The following WDR70 variants were observed in gnomAD, a reference collection of about 807,000 sequenced individuals.
The protein encoded by WDR70 is WD repeat-containing protein 70.
WDR70 carries 53 observed loss-of-function variants against 88.6 expected under a neutral mutation model. The ratio of observed to expected loss-of-function variants is 0.60; its 90% CI spans 0.48 to 0.75. The LOEUF (loss-of-function observed/expected upper bound fraction) is 0.75, where lower values mean the gene tolerates loss of function less well. Among genes scored for constraint, WDR70 ranks in the 30% least tolerant of loss-of-function variants. The probability of loss-of-function intolerance (pLI) is 0.00; values close to 1 mark genes in which losing one functional copy is unlikely to be tolerated. For synonymous variants in WDR70, 280 were observed against 270.0 expected, an observed-to-expected ratio of 1.04 and a Z score of -0.36; for missense variants, 610 against 823.2, an observed-to-expected ratio of 0.74 and a Z score of 3.17.
chr5:37,526,036 C>G (rs2112288994), intron 9 of WDR70, among the ~76,000 whole-genome samples: 1 of 152,294 alleles, frequency 6.6e-6, no homozygotes, highest in East Asian at 1.9e-4. Context: ...GGATTTACAG[C>G]CGAATTCTAC....
intron 9 of WDR70, among the ~76,000 whole-genome samples, chr5:37,565,029 C>A (rs1742697378): frequency 6.6e-6 from 1 of 152,038 alleles, no homozygotes; most frequent in East Asian, 1.9e-4. Flanking sequence ...TATTACAGAG[C>A]CTTTTAGAAA....
At chr5:37,532,662 A>G (rs1741532074) in intron 9 of WDR70, among the ~76,000 whole-genome samples, 1 of 151,814 alleles carries the variant, frequency 6.6e-6, no homozygotes, top group South Asian at 2.1e-4. Flanking sequence ...TTCCTTTCCT[A>G]TCCTGTATCA....
Position 37,673,597 on chromosome 5 carries a change from C to CT in WDR70, c.1093-24049dup, listed in dbSNP as rs1031858903. Among the ~76,000 whole-genome samples the CT allele has an allele frequency of 6.6e-4, 79 of 119,708 alleles. 1 individual carries two copies. The highest frequency in any genetic ancestry group is 5.6e-3 in the Admixed American group (60 of 10,646). 78.5% of individuals were successfully genotyped at this position (119,708 alleles called of 152,430 possible). The stretch of plus-strand genomic sequence containing the variant: ...TGACTTTTCTTACCCCCCCCCCACC[C>CT]TTTTTTTTTCTTTCCAACTTTTATT... On this transcript the variant is annotated intron_variant, in intron 10 of 17. Coordinates refer to ENST00000265107, the MANE Select transcript of WDR70 (RefSeq NM_018034.4).
chr5:37,535,480 T>G (rs1228079380), intron 9 of WDR70, among the ~76,000 whole-genome samples: 2 of 152,100 alleles, frequency 1.3e-5, no homozygotes, highest in Admixed American at 1.3e-4. Context: ...GTGCTAAAAT[T>G]TTAAAGTAAT....
At chr5:37,449,214 G>A (rs894572335) in intron 7 of WDR70, among the ~76,000 whole-genome samples, 3 of 152,116 alleles carry the variant, frequency 2.0e-5, no homozygotes, top group Non-Finnish European at 4.4e-5. Flanking sequence ...TGGTGATTGG[G>A]AGCTCTTTTA....
chr5:37,557,247 AG>A (rs1742317923), intron 9 of WDR70, among the ~76,000 whole-genome samples: 1 of 151,582 alleles, frequency 6.6e-6, no homozygotes. Flanking sequence ...AAAAAAAAAA[AG>A]GTTAGCAAAA....
chr5:37,473,868 T>C (rs1739400985), intron 7 of WDR70, among the ~76,000 whole-genome samples: 1 of 152,194 alleles, frequency 6.6e-6, no homozygotes. Flanking sequence ...TCTGTGTTCA[T>C]GAGAGATAGA....
chr5:37,625,052 C>T (rs1744624942), intron 10 of WDR70, among the ~76,000 whole-genome samples: 1 of 152,090 alleles, frequency 6.6e-6, no homozygotes, highest in Non-Finnish European at 1.5e-5. Context: ...CCTTGGGGAC[C>T]AGGGCTTCTA....
Position 37,468,969 on chromosome 5 carries a change from G to A in WDR70, c.687-10865G>A, listed in dbSNP as rs1367281451. 1.3e-5 allele frequency among the ~76,000 whole-genome samples: 2 copies of A among 152,172 alleles called. 1 individual carries two copies. The highest frequency in any genetic ancestry group is 2.9e-5 in the Non-Finnish European group (2 of 68,020). On this transcript the variant is annotated intron_variant, in intron 7 of 17. Transcript: ENST00000265107. ...TTATCCTCAGGAGATCCTGGAACTA[G>A]TCCCCCATGGATACTGAGGGCTGAC...
chr5:37,449,873 T>C (rs1302860790), intron 7 of WDR70, among the ~76,000 whole-genome samples: 1 of 152,108 alleles, frequency 6.6e-6, no homozygotes, highest in Non-Finnish European at 1.5e-5. Context: ...ACATAGCTAT[T>C]TCTCCTAATG....
At chr5:37,488,355 TG>T (rs1739959560) in intron 8 of WDR70, among the ~76,000 whole-genome samples, 2 of 152,182 alleles carry the variant, frequency 1.3e-5, no homozygotes, top group South Asian at 4.1e-4. Flanking sequence ...CTGTTAGACT[TG>T]AAAAGTTTTC....
chr5:37,497,333 TTTCCCTTCCCTCTTCCCTTCTC>T (rs1420673656), intron 8 of WDR70, among the ~76,000 whole-genome samples: 3 of 120,106 alleles, frequency 2.5e-5, no homozygotes, highest in African/African-American at 9.6e-5. Flanking sequence ...CTTCCCTTCC[TTTCCCTTCCCTCTTCCCTTCTC>T]TTCCCTTCCC....
intron 9 of WDR70, among the ~76,000 whole-genome samples, chr5:37,527,612 G>GCA (rs1741328711): frequency 6.6e-6 from 1 of 152,118 alleles, no homozygotes; most frequent in Admixed American, 6.6e-5. Flanking sequence ...CAATGGCAAT[G>GCA]AAAGCCAAAA....
At chr5:37,563,469 G>C (rs1201066407) in intron 9 of WDR70, among the ~76,000 whole-genome samples, 1 of 54,722 alleles carries the variant, frequency 1.8e-5, no homozygotes, top group East Asian at 4.5e-4. Context: ...CGGCTGGCCG[G>C]GCAGAGGGGC....
At chr5:37,496,259 G>C (rs1561875273) in intron 8 of WDR70, among the ~76,000 whole-genome samples, 2 of 152,142 alleles carry the variant, frequency 1.3e-5, no homozygotes, top group Admixed American at 6.5e-5. Context: ...CACCTGCTAG[G>C]GTCCCCTTCC....
At chr5:37,456,105 C>T (rs1470409580) in intron 7 of WDR70, among the ~76,000 whole-genome samples, 1 of 152,064 alleles carries the variant, frequency 6.6e-6, no homozygotes, top group African/African-American at 2.4e-5. Flanking sequence ...TTTTATTTCC[C>T]TGGGTCAATA....
chr5:37,483,147 C>G (rs1729655067), intron 8 of WDR70, among the ~76,000 whole-genome samples: 1 of 142,564 alleles, frequency 7.0e-6, no homozygotes. Flanking sequence ...GTGTTTCTCG[C>G]AGAGGGGGAT....
At chr5:37,474,554 C>CT (rs1295242911) in intron 7 of WDR70, among the ~76,000 whole-genome samples, 3 of 151,968 alleles carry the variant, frequency 2.0e-5, no homozygotes, top group Admixed American at 6.6e-5. Flanking sequence ...TGTTATTATT[C>CT]TTTTTTTTAA....
chr5:37,385,614 C>T (rs574777597), intron 3 of WDR70, among the ~76,000 whole-genome samples: 1 of 151,180 alleles, frequency 6.6e-6, no homozygotes, highest in African/African-American at 2.4e-5. Context: ...ATTATCTAAC[C>T]CATCAGTTTT....
Sources: gnomAD v4.1 joint callset for allele counts (sites outside exome capture counted in the v4.1 genomes callset) on GRCh38, gnomAD v4.1.1 for gene constraint, MANE v1.5 for transcripts, NCBI Gene and HGNC (gene_info 2026-07-23, HGNC 2026-07-21) for gene names.